The following KCNMA1 variants were observed in gnomAD, a reference collection of about 807,000 sequenced individuals.
KCNMA1 encodes potassium calcium-activated channel subfamily M alpha 1, also known as Calcium-activated potassium channel subunit alpha-1.
Under a neutral mutation model 140.0 loss-of-function variants are expected in KCNMA1, and 29 were observed. The observed-to-expected ratio is 0.21, with a 90% CI of 0.15 to 0.28. The LOEUF (loss-of-function observed/expected upper bound fraction) is 0.28. Ranked by LOEUF, KCNMA1 falls within the 10% of genes least tolerant of loss-of-function variation. KCNMA1 has a pLI of 1.00. For synonymous variants in KCNMA1, 612 were observed against 611.9 expected (o/e 1.00, Z 0.00); for missense variants, 880 against 1,602.2 (o/e 0.55, Z 7.70).
chr10:77,002,306 G>A (rs1360225354), intron 18 of KCNMA1, among the ~76,000 whole-genome samples: 2 of 152,104 alleles, frequency 1.3e-5, no homozygotes, highest in East Asian at 1.9e-4. Flanking sequence ...TCACAAATAA[G>A]AAATCACCAA....
intron 14 of KCNMA1, among the ~76,000 whole-genome samples, chr10:77,042,853 A>G (rs1363308098): frequency 1.3e-5 from 2 of 152,218 alleles, no homozygotes; most frequent in East Asian, 1.9e-4. Flanking sequence ...TTATTGAGTC[A>G]TTCATTCAGC....
chr10:77,121,425 C>T (rs1337313736), intron 5 of KCNMA1, among the ~76,000 whole-genome samples: 1 of 152,082 alleles, frequency 6.6e-6, no homozygotes, highest in South Asian at 2.1e-4. Flanking sequence ...CAGGGTAACC[C>T]TTGTGCTAAG....
chr10:77,168,108 G>A (rs1484546723), intron 5 of KCNMA1, among the ~76,000 whole-genome samples: 2 of 152,154 alleles, frequency 1.3e-5, no homozygotes, highest in Non-Finnish European at 2.9e-5. Context: ...CTCATCACAT[G>A]TATGAGTTAC....
chr10:76,907,695 C>T (rs1185564850), intron 25 of KCNMA1, among the ~76,000 whole-genome samples: 1 of 152,244 alleles, frequency 6.6e-6, no homozygotes, highest in Non-Finnish European at 1.5e-5. Context: ...CACACCACCA[C>T]ACCCAGCTAA....
chr10:77,052,874 A>G (rs1033576921), intron 14 of KCNMA1, among the ~76,000 whole-genome samples: 20 of 152,188 alleles, frequency 1.3e-4, no homozygotes, highest in Non-Finnish European at 2.6e-4. Flanking sequence ...TTACTTGAAC[A>G]TGCCATTTGG....
At chr10:76,918,435 C>A (rs949370813) in intron 23 of KCNMA1, among the ~76,000 whole-genome samples, 2 of 152,158 alleles carry the variant, frequency 1.3e-5, no homozygotes, top group African/African-American at 4.8e-5. Context: ...TGATCATGGC[C>A]ATGGGAGGCA....
At chr10:77,090,667 T>C (rs2096792055) in intron 9 of KCNMA1, 157 bp from the exon 10 acceptor site, 1 of 660,628 alleles carries the variant, frequency 1.5e-6, no homozygotes, top group Non-Finnish European at 2.7e-6. Context: ...CAGAGGGCAG[T>C]GAGGCAAAGC....
At chr10:77,157,224 G>A (rs894920126) in intron 5 of KCNMA1, among the ~76,000 whole-genome samples, 5 of 152,050 alleles carry the variant, frequency 3.3e-5, no homozygotes, top group Admixed American at 6.6e-5. Context: ...GGCGGGTCCC[G>A]AGGTCAGGAA....
chr10:77,344,841 G>T (rs527497994), intron 2 of KCNMA1, among the ~76,000 whole-genome samples: 2 of 152,190 alleles, frequency 1.3e-5, no homozygotes, highest in South Asian at 4.2e-4. Flanking sequence ...TAAAGACGGA[G>T]ACCTTTCCTG....
chr10:77,534,575 A>C (rs1013580580), intron 1 of KCNMA1, among the ~76,000 whole-genome samples: 1 of 152,212 alleles, frequency 6.6e-6, no homozygotes, highest in Admixed American at 6.5e-5. Flanking sequence ...GGAACCTAAT[A>C]TACTCAGGAA....
At chr10:76,934,706 TC>T (rs1366856178) in intron 23 of KCNMA1, among the ~76,000 whole-genome samples, 1 of 152,156 alleles carries the variant, frequency 6.6e-6, no homozygotes, top group Non-Finnish European at 1.5e-5. Context: ...CCTATCCTTA[TC>T]CAGAATTTCA....
At chr10:77,422,428 C>T (rs1270840424) in intron 1 of KCNMA1, among the ~76,000 whole-genome samples, 1 of 152,214 alleles carries the variant, frequency 6.6e-6, no homozygotes. Flanking sequence ...TTCAAGGCTT[C>T]GGTCCTCTAG....
Position 76,886,539 on chromosome 10 carries a change from T to C in KCNMA1, c.*727A>G. On this transcript the variant is annotated 3_prime_UTR_variant, in exon 28 of 28. Transcript: ENST00000286628. ...AACTAAATGACTAGAATTTGATACATCCATGATTGGAATACTATTCTCTCC... is the reference window on the plus strand; with the variant it reads ...AACTAAATGACTAGAATTTGATACACCCATGATTGGAATACTATTCTCTCC... The C allele has an allele frequency of 1.0e-6, 1 of 985,516 alleles. No homozygotes were observed. The highest frequency in any genetic ancestry group is 4.7e-5 in the South Asian group (1 of 21,282). The allele number at this position is 985,516 out of a possible 1,614,324, so 61.0% of individuals were successfully genotyped here.
intron 2 of KCNMA1, among the ~76,000 whole-genome samples, chr10:77,391,719 T>C (rs1425045501): frequency 1.3e-5 from 2 of 152,024 alleles, no homozygotes; most frequent in African/African-American, 4.8e-5. Context: ...ATTGGGCTGT[T>C]TGGGGCCCGT....
At chr10:77,463,772 G>T (rs745351953) in intron 1 of KCNMA1, among the ~76,000 whole-genome samples, 1 of 152,134 alleles carries the variant, frequency 6.6e-6, no homozygotes, top group Admixed American at 6.5e-5. Flanking sequence ...GGAAGCATAG[G>T]GGGTGGCAGA....
chr10:77,288,610 C>A (rs543353998), intron 2 of KCNMA1, among the ~76,000 whole-genome samples: 28 of 152,286 alleles, frequency 1.8e-4, no homozygotes, highest in African/African-American at 6.7e-4. Context: ...GAAAGGCTGA[C>A]AACATGCAAG....
rs180862956 is a variant in KCNMA1 at position 77,575,693 on chromosome 10, T to G, written c.378+61572A>C. 2.0e-5 allele frequency among the ~76,000 whole-genome samples: 3 copies of G among 152,366 alleles called. No individual in the cohort carries two copies. The South Asian group carries it at 6.2e-4, about 32-fold the overall frequency. ...GCACATTAGGATCACCCGGGGAGCA[T>G]CTGAAGTTCCCAGAGTCCCTGCCAT... On this transcript the variant is annotated intron_variant, in intron 1 of 27. Coordinates refer to ENST00000286628, the MANE Select transcript of KCNMA1 (RefSeq NM_001161352.2).
At chr10:76,943,303 C>A (rs1666525695) in intron 23 of KCNMA1, among the ~76,000 whole-genome samples, 1 of 152,134 alleles carries the variant, frequency 6.6e-6, no homozygotes, top group African/African-American at 2.4e-5. Flanking sequence ...CAGGTGGATA[C>A]CAAGATTTAG....
intron 5 of KCNMA1, among the ~76,000 whole-genome samples, chr10:77,174,492 C>T (rs890866563): frequency 2.6e-5 from 4 of 152,176 alleles, no homozygotes; most frequent in African/African-American, 4.8e-5. Context: ...TGTCCAGCTC[C>T]GCAGCCAATG....
Sources: allele counts gnomAD v4.1 joint callset (sites outside exome capture counted in the v4.1 genomes callset), GRCh38; gene constraint gnomAD v4.1.1; transcripts MANE v1.5; gene names NCBI Gene and HGNC (gene_info 2026-07-23, HGNC 2026-07-21).